The following PTK2B variants were observed in gnomAD, a reference collection of about 807,000 sequenced individuals.
PTK2B encodes protein tyrosine kinase 2 beta.
Under a neutral mutation model 142.9 loss-of-function variants are expected in PTK2B, and 71 were observed. The ratio of observed to expected loss-of-function variants is 0.50; its 90% CI spans 0.41 to 0.61. The LOEUF (loss-of-function observed/expected upper bound fraction) is 0.61. PTK2B is among the 20% of genes least tolerant of loss of function. PTK2B has a pLI of 0.00. For synonymous variants in PTK2B, 519 were observed against 503.4 expected, an observed-to-expected ratio of 1.03 and a Z score of -0.42; for missense variants, 1,105 against 1,320.4, an observed-to-expected ratio of 0.84 and a Z score of 2.53.
intron 2 of PTK2B, among the ~76,000 whole-genome samples, chr8:27,411,276 A>T (rs1809045177): frequency 6.6e-6 from 1 of 152,186 alleles, no homozygotes; most frequent in African/African-American, 2.4e-5. Context: ...AATGATAAAG[A>T]AGAGGATTCA....
intron 23 of PTK2B, 119 bp downstream of exon 23, chr8:27,444,390 G>A (rs1811340124): frequency 5.3e-6 from 6 of 1,127,172 alleles, no homozygotes; most frequent in Admixed American, 2.0e-5. Context: ...GATGGCCTAG[G>A]TTGACTCTTC....
rs372910770 is a variant in PTK2B at position 27,437,515 on chromosome 8, C to T, written c.1527+19C>T. ...TGGGGAGGTGAGCTGGAGGACCCTG[C>T]GATGACAACTGGGCTGCAGCATGGG... On this transcript the variant is annotated intron_variant, in intron 17 of 30. Transcript: ENST00000346049. 1.5e-3 allele frequency: 2,301 copies of T among 1,565,748 alleles called. 2 individuals are homozygous for T. Among genetic ancestry groups the T allele is most frequent in the Non-Finnish European group, 1.9e-3 (2,123 of 1,147,170 alleles).
At chr8:27,434,425 G>T in intron 12 of PTK2B, 88 bp from the exon 13 acceptor site, 2 of 1,379,828 alleles carry the variant, frequency 1.4e-6, no homozygotes, top group Non-Finnish European at 2.0e-6. Flanking sequence ...CTCCACAGGG[G>T]GCAGGAGGAG....
At chr8:27,336,918 C>T (rs1804098931) in intron 1 of PTK2B, among the ~76,000 whole-genome samples, 1 of 151,988 alleles carries the variant, frequency 6.6e-6, no homozygotes, top group South Asian at 2.1e-4. Context: ...TCACTGCACC[C>T]TCTGCCTTCT....
intron 3 of PTK2B, among the ~76,000 whole-genome samples, chr8:27,314,856 G>A (rs1467620598): frequency 2.6e-5 from 4 of 152,190 alleles, no homozygotes; most frequent in African/African-American, 4.8e-5. Flanking sequence ...TGGGAGAATC[G>A]CTTGAATCCG....
rs963131234 is a variant in PTK2B, at chr8:27,380,180, C to T, written c.-37-17368C>T. 2.0e-5 allele frequency among the ~76,000 whole-genome samples: 3 copies of T among 152,208 alleles called. No homozygotes were observed. The South Asian group carries it at 6.2e-4, about 32-fold the overall frequency. ...GATCCACAGGAGACTCTCGGGGTCA[C>T]GTCTTTCTCTGCCCAGCCCTGGCTT... On this transcript the variant is annotated intron_variant, in intron 1 of 30. Coordinates refer to ENST00000346049, the MANE Select transcript of PTK2B (RefSeq NM_173176.3).
intron 8 of PTK2B, 90 bp from the exon 9 acceptor site, chr8:27,431,308 C>T (rs1385733985): frequency 6.9e-6 from 11 of 1,595,302 alleles, no homozygotes; most frequent in South Asian, 3.4e-5. Flanking sequence ...GAAACAGTGG[C>T]TTGTGTCTAG....
At chr8:27,418,942 G>A (rs1425395650) in intron 2 of PTK2B, among the ~76,000 whole-genome samples, 1 of 152,110 alleles carries the variant, frequency 6.6e-6, no homozygotes, top group Non-Finnish European at 1.5e-5. Flanking sequence ...GCAGGAGAAT[G>A]GCTTGAACCT....
intron 8 of PTK2B, 110 bp downstream of exon 8, chr8:27,431,126 G>T: frequency 6.6e-7 from 1 of 1,513,656 alleles, no homozygotes. Flanking sequence ...TTCTCACTCA[G>T]GCAGCAGGAC....
Position 27,431,272 on chromosome 8 carries a change from T to C in PTK2B, c.811-126T>C, listed in dbSNP as rs1036161969. ...GGGGAAGATCCATATGGCCAGGGTT[T>C]CGGTGAGAAGGAGCTGGAGACCCAG... On this transcript the variant is annotated intron_variant, in intron 8 of 30. Transcript: ENST00000346049. 2.6e-6 allele frequency: 4 copies of C among 1,553,818 alleles called. No individual in the cohort carries two copies. In the African/African-American group the frequency reaches 5.4e-5, roughly 21 times the overall value.
chr8:27,345,523 C>T (rs1804662741), intron 1 of PTK2B, among the ~76,000 whole-genome samples: 1 of 152,180 alleles, frequency 6.6e-6, no homozygotes, highest in African/African-American at 2.4e-5. Context: ...AGGACAACCC[C>T]TCTTGGAGAA....
chr8:27,329,667 T>C lies in PTK2B; in HGVS notation c.-38+3986T>C, dbSNP rs140011288. Among the ~76,000 whole-genome samples the C allele has an allele frequency of 8.6e-3, 1,311 of 152,142 alleles. 22 individuals are homozygous for C. The highest frequency in any genetic ancestry group is 0.03 in the African/African-American group (1,228 of 41,492). The stretch of plus-strand genomic sequence containing the variant: ...TTTTGCTGGCTTGAGGATGAAGAGT[T>C]TCCTTGTAGAGTACGGGTCAGTTCC... On this transcript the variant is annotated intron_variant, in intron 1 of 30. Coordinates refer to ENST00000346049, the MANE Select transcript of PTK2B (RefSeq NM_173176.3).
rs1812034827 is a variant in PTK2B, at chr8:27,454,611, G to T, written c.2814G>T (p.Glu938Asp). ...LPSLPSSSRT[E>D]IEGTQKLLNK... ...CCTTGCCGTCATCTTCACGGACAGA[G>T]GTGAGCGTCCCATTCCAGACAGCAC... Residue 938 changes from glutamate to aspartate, a missense_variant and splice_region_variant, in exon 30 of 31, where the codon GAG becomes GAT. Coordinates refer to ENST00000346049, the MANE Select transcript of PTK2B (RefSeq NM_173176.3). 1 of 1,613,728 alleles carries T rather than the reference G, an allele frequency of 6.2e-7. No individual in the cohort carries two copies. The highest frequency in any genetic ancestry group is 1.3e-5 in the African/African-American group (1 of 74,924).
At position 27,350,993 on chromosome 8, in the gene PTK2B, ATATATATATATATATATATATATATATAT is replaced by A. The variant is rs1805045501; in HGVS notation, c.-38+25313_-38+25341del. On this transcript the variant is annotated intron_variant, in intron 1 of 30. Transcript: ENST00000346049. ...TCCGTCTCAAAAAAAAAAAAAAAAT[ATATATATATATATATATATATATATATAT>A]ATATATATATATATATATACGTGCT... 1.9e-3 allele frequency among the ~76,000 whole-genome samples: 22 copies of A among 11,462 alleles called. 5 individuals are homozygous for A. The highest frequency in any genetic ancestry group is 5.2e-3 in the African/African-American group (15 of 2,902). The allele number at this position is 11,462 out of a possible 152,430, so 7.5% of individuals were successfully genotyped here.
intron 1 of PTK2B, among the ~76,000 whole-genome samples, chr8:27,368,662 T>TC (rs1352883267): frequency 6.6e-6 from 1 of 152,202 alleles, no homozygotes; most frequent in Non-Finnish European, 1.5e-5. Context: ...TCTGGTTCCA[T>TC]CCCATTATCT....
At chr8:27,425,118 A>T (rs1214384520) in intron 5 of PTK2B, among the ~76,000 whole-genome samples, 1 of 151,780 alleles carries the variant, frequency 6.6e-6, no homozygotes, top group Non-Finnish European at 1.5e-5. Context: ...ATACTATATA[A>T]CATATATCTG....
chr8:27,389,381 C>G (rs1480948808), intron 1 of PTK2B, among the ~76,000 whole-genome samples: 3 of 152,146 alleles, frequency 2.0e-5, no homozygotes, highest in African/African-American at 7.2e-5. Flanking sequence ...GTAAGGAGCA[C>G]AATGAGTATA....
intron 2 of PTK2B, among the ~76,000 whole-genome samples, chr8:27,401,915 G>A (rs978537645): frequency 1.4e-4 from 22 of 151,926 alleles, no homozygotes; most frequent in African/African-American, 5.3e-4. Flanking sequence ...GATGATGACA[G>A]TAGTGGTGAT....
At chr8:27,433,375 TG>T in intron 10 of PTK2B, 59 bp from the exon 11 acceptor site, 2 of 1,442,182 alleles carry the variant, frequency 1.4e-6, no homozygotes, top group Non-Finnish European at 1.9e-6. Context: ...TCTCCAGCCC[TG>T]GGGGTGGTCT....
Sources: allele counts gnomAD v4.1 joint callset (sites outside exome capture counted in the v4.1 genomes callset), GRCh38; gene constraint gnomAD v4.1.1; transcripts MANE v1.5; gene names NCBI Gene and HGNC (gene_info 2026-07-23, HGNC 2026-07-21).